The following C8orf34 variants were observed in gnomAD, a reference collection of about 807,000 sequenced individuals.
The protein encoded by C8orf34 is chromosome 8 open reading frame 34.
Under a neutral mutation model 68.3 loss-of-function variants are expected in C8orf34, and 65 were observed. The ratio of observed to expected loss-of-function variants is 0.95; its 90% confidence interval spans 0.78 to 1.17. The LOEUF (loss-of-function observed/expected upper bound fraction) is 1.17. C8orf34 is among the 50% of genes most tolerant of loss of function. The pLI, the probability that C8orf34 is intolerant of heterozygous loss-of-function variation, is 0.00. For synonymous variants in C8orf34, 244 were observed against 241.2 expected (o/e 1.01, Z -0.11); for missense variants, 664 against 655.4 (o/e 1.01, Z -0.14).
chr8:68,573,153 G>T (rs1816805238), intron 7 of C8orf34, among the ~76,000 whole-genome samples: 1 of 152,084 alleles, frequency 6.6e-6, no homozygotes, highest in South Asian at 2.1e-4. Context: ...TTTACCCTCT[G>T]CTGTATCCAT....
intron 12 of C8orf34, among the ~76,000 whole-genome samples, chr8:68,795,249 T>C (rs923462751): frequency 2.0e-5 from 3 of 152,144 alleles, no homozygotes; most frequent in African/African-American, 4.8e-5. Flanking sequence ...GAATATATTA[T>C]AGTAGCCCCG....
intron 8 of C8orf34, among the ~76,000 whole-genome samples, chr8:68,698,647 A>G (rs1047087636): frequency 5.9e-5 from 9 of 152,114 alleles, no homozygotes; most frequent in African/African-American, 2.2e-4. Context: ...AGGATGTTTT[A>G]GCTTCCCACA....
intron 1 of C8orf34, among the ~76,000 whole-genome samples, chr8:68,377,816 C>G (rs1247076833): frequency 6.6e-6 from 1 of 152,088 alleles, no homozygotes; most frequent in African/African-American, 2.4e-5. Flanking sequence ...TTAATTGACT[C>G]AGTTCAGCAT....
intron 1 of C8orf34, among the ~76,000 whole-genome samples, chr8:68,348,182 C>A (rs1456175492): frequency 6.6e-6 from 1 of 152,026 alleles, no homozygotes; most frequent in East Asian, 1.9e-4. Context: ...CTGTATAGGG[C>A]TAGCCAGTTA....
chr8:68,436,925 G>T (rs1190453365), intron 1 of C8orf34, among the ~76,000 whole-genome samples: 1 of 152,096 alleles, frequency 6.6e-6, no homozygotes, highest in African/African-American at 2.4e-5. Flanking sequence ...CTGGGAAAGG[G>T]GTTTCTGTCA....
intron 9 of C8orf34, among the ~76,000 whole-genome samples, chr8:68,717,102 C>T (rs1032213555): frequency 3.9e-5 from 6 of 151,948 alleles, no homozygotes; most frequent in Admixed American, 3.9e-4. Flanking sequence ...ACTGAAATGG[C>T]AGTTGGTTCT....
At chr8:68,581,304 G>A (rs887948321) in intron 7 of C8orf34, among the ~76,000 whole-genome samples, 5 of 152,058 alleles carry the variant, frequency 3.3e-5, no homozygotes, top group African/African-American at 1.2e-4. Context: ...TTGTCTCTGT[G>A]TCCATGTGTC....
intron 7 of C8orf34, among the ~76,000 whole-genome samples, chr8:68,592,599 T>C (rs1345746214): frequency 3.2e-5 from 1 of 31,328 alleles, no homozygotes; most frequent in Non-Finnish European, 7.4e-5. Flanking sequence ...ATCTCTTCTT[T>C]TTTTTTTTTT....
At chr8:68,561,008 C>G (rs1051943599) in intron 7 of C8orf34, among the ~76,000 whole-genome samples, 1 of 148,544 alleles carries the variant, frequency 6.7e-6, no homozygotes, top group African/African-American at 2.5e-5. Context: ...CAGGGTCTCA[C>G]TCTGTCTCCC....
At chr8:68,652,202 A>C (rs1158742326) in intron 8 of C8orf34, among the ~76,000 whole-genome samples, 1 of 152,218 alleles carries the variant, frequency 6.6e-6, no homozygotes, top group Non-Finnish European at 1.5e-5. Context: ...ACATTTGGCC[A>C]TGTTGATACC....
At chr8:68,633,450 C>T (rs550089925) in intron 7 of C8orf34, among the ~76,000 whole-genome samples, 13 of 152,302 alleles carry the variant, frequency 8.5e-5, no homozygotes, top group African/African-American at 3.1e-4. Context: ...ACATTCTTCT[C>T]TCACTTACTA....
chr8:68,729,437 G>A (rs928311085), intron 10 of C8orf34, among the ~76,000 whole-genome samples: 1 of 152,132 alleles, frequency 6.6e-6, no homozygotes, highest in Non-Finnish European at 1.5e-5. Context: ...TATGCAAGTT[G>A]CACAAATGCC....
chr8:68,787,629 T>C (rs976084405), intron 12 of C8orf34, 93 bp downstream of exon 12: 12 of 819,122 alleles, frequency 1.5e-5, no homozygotes, highest in Non-Finnish European at 2.2e-5. Flanking sequence ...AAACAACTTC[T>C]GTAAAAAAAA....
At chr8:68,719,559 T>C (rs1821609164) in intron 9 of C8orf34, among the ~76,000 whole-genome samples, 1 of 151,936 alleles carries the variant, frequency 6.6e-6, no homozygotes, top group Non-Finnish European at 1.5e-5. Context: ...ATACAGTGCT[T>C]GCCATATAGT....
At chr8:68,621,714 G>A (rs186428594) in intron 7 of C8orf34, among the ~76,000 whole-genome samples, 1 of 152,258 alleles carries the variant, frequency 6.6e-6, no homozygotes, top group Admixed American at 6.5e-5. Context: ...CTATATGTAA[G>A]TCTCACCTGA....
chr8:68,504,311 A>G (rs1813907521), intron 5 of C8orf34, among the ~76,000 whole-genome samples: 1 of 152,156 alleles, frequency 6.6e-6, no homozygotes, highest in South Asian at 2.1e-4. Context: ...GGGGTATGCC[A>G]CATTTTCTTA....
chr8:68,331,246 C>T lies in C8orf34; in HGVS notation c.234C>T (p.Leu78=), dbSNP rs1242666966. Residue 78 remains leucine (L), a synonymous_variant, in exon 1 of 14, where the codon CTC becomes CTT. Coordinates refer to ENST00000518698, the MANE Select transcript of C8orf34 (RefSeq NM_052958.4). The part of the protein sequence containing the change: ...GGAQPRVLPA[L]SSRSHLFPMA... ...CACAGCCGCGCGTTCTCCCTGCACT[C>T]TCTTCGCGGTCCCATCTGTTCCCCA... 7.8e-6 allele frequency: 12 copies of T among 1,536,228 alleles called. 1 individual carries two copies. The Admixed American group carries it at 2.0e-4, about 25-fold the overall frequency.
At chr8:68,364,961 G>A (rs1286589164) in intron 1 of C8orf34, among the ~76,000 whole-genome samples, 2 of 150,660 alleles carry the variant, frequency 1.3e-5, no homozygotes, top group Non-Finnish European at 3.0e-5. Context: ...CCAGGAGCTG[G>A]TTTTTTGAAA....
intron 12 of C8orf34, among the ~76,000 whole-genome samples, chr8:68,797,471 A>C (rs2129529412): frequency 6.6e-6 from 1 of 152,254 alleles, no homozygotes; most frequent in Admixed American, 6.5e-5. Flanking sequence ...TGAGAGCAGA[A>C]GAGCTTAGTA....
Sources: gnomAD v4.1 joint callset for allele counts (sites outside exome capture counted in the v4.1 genomes callset) on GRCh38, gnomAD v4.1.1 for gene constraint, MANE v1.5 for transcripts, NCBI Gene and HGNC (gene_info 2026-07-23, HGNC 2026-07-21) for gene names.